Variants in CSNK1E observed in about 807,000 individuals in gnomAD.
CSNK1E encodes casein kinase I isoform epsilon.
CSNK1E carries 17 observed loss-of-function variants against 46.1 expected under a neutral mutation model. That is an observed-to-expected ratio of 0.37 (90% CI 0.25 to 0.55). The LOEUF (loss-of-function observed/expected upper bound fraction) is 0.55. Ranked by LOEUF, CSNK1E falls within the 20% of genes least tolerant of loss-of-function variation. The probability of loss-of-function intolerance (pLI) is 0.82; values close to 1 mark genes in which losing one functional copy is unlikely to be tolerated. For synonymous variants in CSNK1E, 241 were observed against 242.6 expected (o/e 0.99, Z 0.06); for missense variants, 386 against 595.4 (o/e 0.65, Z 3.66).
chr22:38,293,786 C>A lies in CSNK1E; in HGVS notation c.1218+323G>T, dbSNP rs1444217792. The stretch of plus-strand genomic sequence containing the variant: ...GCTCACAGGGGCTCCTGGGGGCTCC[C>A]TGATGTCAGGGAGCAGCAACACCTC... On this transcript the variant is annotated intron_variant, in intron 9 of 10. Transcript: ENST00000396832. 1.4e-5 allele frequency: 6 copies of A among 432,022 alleles called. No homozygotes were observed. In the East Asian group the frequency reaches 2.3e-4, roughly 16 times the overall value. The allele number at this position is 432,022 out of a possible 1,614,324, so 26.8% of individuals were successfully genotyped here. A position where few individuals can be genotyped will look rare whatever the true frequency, so the allele number is the denominator to read the frequency against.
intron 1 of CSNK1E, among the ~76,000 whole-genome samples, chr22:38,315,656 C>A (rs1314716302): frequency 2.0e-5 from 3 of 149,368 alleles, no homozygotes; most frequent in Non-Finnish European, 3.0e-5. Flanking sequence ...TGCACGCAAC[C>A]CCCCCCCAAC....
chr22:38,293,597 C>T (rs1173015510), intron 9 of CSNK1E, among the ~76,000 whole-genome samples: 1 of 152,094 alleles, frequency 6.6e-6, no homozygotes, highest in African/African-American at 2.4e-5. Flanking sequence ...GCAGGACTCC[C>T]TCCTCGCCCA....
chr22:38,294,479 T>C lies in CSNK1E; in HGVS notation c.941A>G (p.Glu314Gly). The C allele has an allele frequency of 6.3e-7, 1 of 1,593,446 alleles. No individual in the cohort carries two copies. The highest frequency in any genetic ancestry group is 8.5e-7 in the Non-Finnish European group (1 of 1,171,280). ...CCCCCGTAGCTGCCCCATCCTCTCC[T>C]CGCGTTCGTGTTCTCGCCGCTCCCG... ...VDRERREHER[E>G]ERMGQLRGSA... is the part of the protein sequence containing the mutation. The change falls in exon 8 of 11, where the codon GAG becomes GGG. Residue 314 changes from glutamate (E) to glycine (G), a missense_variant. By Grantham distance (98) the Glu-to-Gly change is moderately conservative. Around this residue, in one of 2 missense-constraint regions of CSNK1E, gnomAD observed 174 missense variants for 185.2 expected, o/e 0.94. Transcript: ENST00000396832. The surrounding 1 kb of genome is among the most constrained non-coding windows in gnomAD (Gnocchi z 5.5).
chr22:38,296,460 C>G, intron 7 of CSNK1E: 1 of 1,518,872 alleles, frequency 6.6e-7, no homozygotes, highest in Non-Finnish European at 8.8e-7. Flanking sequence ...ATGGGAAGGG[C>G]CTGGCCTCAG....
Position 38,294,272 on chromosome 22 carries a change from C to T in CSNK1E, c.1079-24G>A, listed in dbSNP as rs759643832. 54 of 1,608,728 alleles carry T rather than the reference C, an allele frequency of 3.4e-5. No homozygotes were observed. In the Admixed American group the frequency reaches 8.8e-4, roughly 26 times the overall value. Reference sequence around the variant, plus strand: ...GCCTGGAGGGAGAGTGGGAAGCCACCCTCAGAGTAGGCACAAACAGAGCCC... The same window carrying T: ...GCCTGGAGGGAGAGTGGGAAGCCACTCTCAGAGTAGGCACAAACAGAGCCC... On this transcript the variant is annotated intron_variant, in intron 8 of 10. Coordinates refer to ENST00000396832, the MANE Select transcript of CSNK1E (RefSeq NM_152221.3). The surrounding 1 kb of genome is among the most constrained non-coding windows in gnomAD (Gnocchi z 5.5).
intron 7 of CSNK1E, chr22:38,297,286 G>C: frequency 1.6e-6 from 1 of 622,570 alleles, no homozygotes; most frequent in African/African-American, 1.8e-5. Flanking sequence ...GGAAAGAGCT[G>C]GTCCCAGGTG....
chr22:38,302,001 G>C (rs113133671), intron 4 of CSNK1E, among the ~76,000 whole-genome samples: 6 of 152,304 alleles, frequency 3.9e-5, no homozygotes, highest in African/African-American at 1.4e-4. Context: ...CTATGCTGAT[G>C]AAGGGCTTAG....
In CSNK1E at chr22:38,303,196, C is replaced by T; in HGVS notation, c.129G>A (p.Lys43=). 4 of 1,610,398 alleles carry T rather than the reference C, an allele frequency of 2.5e-6. No homozygotes were observed. The highest frequency in any genetic ancestry group is 3.4e-6 in the Non-Finnish European group (4 of 1,178,854). Reference sequence around the variant, plus strand: ...CGATGTGCAGCTGGGGGTGCTTTGTCTTCACACACTCCAGCTTGATGGCGA... The same window carrying T: ...CGATGTGCAGCTGGGGGTGCTTTGTTTTCACACACTCCAGCTTGATGGCGA... ...EEVAIKLECV[K]TKHPQLHIES... The change falls in exon 3 of 11, where the codon AAG becomes AAA. Residue 43 remains lysine (K), a synonymous_variant. Transcript: ENST00000396832. The surrounding 1 kb of genome is among the most constrained non-coding windows in gnomAD (Gnocchi z 4.7).
intron 1 of CSNK1E, chr22:38,316,833 C>G (rs927300732): frequency 6.6e-6 from 1 of 152,070 alleles, no homozygotes; most frequent in Non-Finnish European, 1.5e-5. Flanking sequence ...CCCCCTCCCT[C>G]AGCGTCCCCA....
chr22:38,301,140 G>A (rs1371822818), intron 4 of CSNK1E, among the ~76,000 whole-genome samples, 188 bp from the exon 5 acceptor site: 1 of 152,220 alleles, frequency 6.6e-6, no homozygotes, highest in Admixed American at 6.5e-5. Flanking sequence ...AACTCTAAAG[G>A]GGGAGTTCAC....
intron 7 of CSNK1E, chr22:38,296,770 C>T (rs892443651): frequency 3.4e-5 from 51 of 1,504,836 alleles, no homozygotes; most frequent in South Asian, 1.5e-4. Flanking sequence ...GTCCACAGAA[C>T]GTTCTGGATG....
chr22:38,305,358 G>A (rs1378981186), intron 2 of CSNK1E, among the ~76,000 whole-genome samples: 1 of 151,232 alleles, frequency 6.6e-6, no homozygotes, highest in African/African-American at 2.4e-5. Flanking sequence ...TTAGAAGAAG[G>A]GAGAATTGCC....
intron 7 of CSNK1E, chr22:38,296,183 G>A (rs1369667801): frequency 9.8e-7 from 1 of 1,016,298 alleles, no homozygotes; most frequent in Non-Finnish European, 1.2e-6. Context: ...CCAACCCATA[G>A]GACGCAAGAA....
At chr22:38,306,377 A>G (rs2092698684) in intron 2 of CSNK1E, among the ~76,000 whole-genome samples, 1 of 152,250 alleles carries the variant, frequency 6.6e-6, no homozygotes, top group East Asian at 1.9e-4. Flanking sequence ...TGAGTCACTC[A>G]AAGTGTGCGA....
chr22:38,317,020 GCCC>G (rs988834742), intron 1 of CSNK1E, 137 bp downstream of exon 1: 1 of 151,890 alleles, frequency 6.6e-6, no homozygotes, highest in Non-Finnish European at 1.5e-5. Flanking sequence ...CGCCCGGGCT[GCCC>G]CCCCTACACC....
At position 38,302,090 on chromosome 22, in the gene CSNK1E, A is replaced by G. The variant is rs150951382; in HGVS notation, c.336+771T>C. 2.2e-3 allele frequency among the ~76,000 whole-genome samples: 338 copies of G among 152,290 alleles called. 2 individuals carry two copies. Among genetic ancestry groups the G allele is most frequent in the African/African-American group, 7.4e-3 (306 of 41,556 alleles). ...TCTCACCTAATCCCCTCAACAACCA[A>G]CAAAGGAGAGACTCTCACATGAGGC... On this transcript the variant is annotated intron_variant, in intron 4 of 10. Transcript: ENST00000396832.
chr22:38,296,498 A>T (rs2092641425), intron 7 of CSNK1E: 7 of 1,578,010 alleles, frequency 4.4e-6, no homozygotes, highest in Non-Finnish European at 6.0e-6. Flanking sequence ...CATGTTTTCC[A>T]GGTGCTTCTG....
intron 1 of CSNK1E, among the ~76,000 whole-genome samples, chr22:38,316,264 C>T (rs996916340): frequency 6.6e-6 from 1 of 152,114 alleles, no homozygotes; most frequent in African/African-American, 2.4e-5. Context: ...GGCCCTTGTC[C>T]CTCGGACGAT....
In CSNK1E at chr22:38,298,549, C is replaced by T. The variant is rs1380036125; in HGVS notation, c.885+237G>A. On this transcript the variant is annotated intron_variant, in intron 7 of 10. Transcript: ENST00000396832. This position sits in a 1 kb window ranked among gnomAD's most constrained non-coding sequence, Gnocchi z 4.2. ...GGAGGGACCCCAGGTGAAGCCAGAT[C>T]CTCCTTGTTCCGACGGGAGACAGCG... is the stretch of plus-strand genomic sequence containing the variant. 12 of 526,126 alleles carry T rather than the reference C, an allele frequency of 2.3e-5. No individual in the cohort carries two copies. The East Asian group carries it at 2.5e-4, about 11-fold the overall frequency. 32.6% of individuals were successfully genotyped at this position (526,126 alleles called of 1,614,324 possible).
Sources: allele counts gnomAD v4.1 joint callset (sites outside exome capture counted in the v4.1 genomes callset), GRCh38; gene constraint gnomAD v4.1.1; regional missense constraint gnomAD v4.1.1; non-coding constraint Gnocchi (gnomAD v3.1); transcripts MANE v1.5; gene names NCBI Gene and HGNC (gene_info 2026-07-23, HGNC 2026-07-21).